Variants in SLC30A8 observed in about 807,000 individuals in gnomAD.
The protein encoded by SLC30A8 is proton-coupled zinc antiporter SLC30A8.
In SLC30A8, 27 loss-of-function variants were observed where a neutral mutation model predicts 36.9. The observed-to-expected ratio is 0.73, with a 90% CI of 0.54 to 1.01. The LOEUF is 1.01. Ranked by LOEUF, SLC30A8 falls within the 50% of genes least tolerant of loss-of-function variation. The pLI, the probability that SLC30A8 is intolerant of heterozygous loss-of-function variation, is 0.00. For missense variants in SLC30A8, 439 were observed against 452.0 expected (o/e 0.97, Z 0.26); for synonymous variants, 164 against 172.4 (o/e 0.95, Z 0.38).
chr8:117,047,131 G>A (rs1186040605), intron 2 of SLC30A8, among the ~76,000 whole-genome samples: 1 of 152,210 alleles, frequency 6.6e-6, no homozygotes, highest in Non-Finnish European at 1.5e-5. Flanking sequence ...AATAGCATTA[G>A]CAGGGACTAC....
chr8:116,994,699 C>T (rs368230798), intron 1 of SLC30A8, among the ~76,000 whole-genome samples: 5 of 152,160 alleles, frequency 3.3e-5, no homozygotes, highest in African/African-American at 1.2e-4. Flanking sequence ...ACAGGTAGAT[C>T]ACTTTGTAAA....
chr8:117,168,420 AT>A (rs966229450), intron 6 of SLC30A8, among the ~76,000 whole-genome samples: 2 of 152,120 alleles, frequency 1.3e-5, no homozygotes, highest in African/African-American at 4.8e-5. Flanking sequence ...GGTTTTTCAA[AT>A]ACATTTATAA....
upstream of SLC30A8, among the ~76,000 whole-genome samples, chr8:117,131,495 T>C (rs1280387873): frequency 6.6e-6 from 1 of 152,008 alleles, no homozygotes; most frequent in East Asian, 1.9e-4. Context: ...TCATTCTGAA[T>C]GGCACTCTAC....
chr8:117,003,645 A>G (rs1816085078), intron 1 of SLC30A8, among the ~76,000 whole-genome samples: 10 of 152,206 alleles, frequency 6.6e-5, no homozygotes, highest in Admixed American at 6.5e-4. Flanking sequence ...GGCTTCCTGG[A>G]AGGGATGATA....
At chr8:117,128,026 T>C (rs1238283512) in intron 2 of SLC30A8, among the ~76,000 whole-genome samples, 1 of 152,046 alleles carries the variant, frequency 6.6e-6, no homozygotes, top group East Asian at 1.9e-4. Context: ...AGCATCAGCT[T>C]AGAGCTTAGC....
chr8:116,975,055 G>A, intron 1 of SLC30A8, among the ~76,000 whole-genome samples: 1 of 108,860 alleles, frequency 9.2e-6, no homozygotes, highest in Admixed American at 1.2e-4. Context: ...GAGGGGGGAG[G>A]GATAGCATTA....
intron 1 of SLC30A8, among the ~76,000 whole-genome samples, chr8:117,007,685 ACTCTGCTGGATACCTAT>A (rs1249135663): frequency 1.3e-5 from 2 of 152,164 alleles, no homozygotes; most frequent in African/African-American, 4.8e-5. Context: ...CCTCACAACA[ACTCTGCTGGATACCTAT>A]CGATTTCCAT....
At chr8:117,010,236 C>T (rs770442066) in intron 1 of SLC30A8, among the ~76,000 whole-genome samples, 17 of 152,134 alleles carry the variant, frequency 1.1e-4, no homozygotes, top group Non-Finnish European at 2.1e-4. Context: ...TCTGGAACCA[C>T]TTCTTATCAA....
intron 1 of SLC30A8, among the ~76,000 whole-genome samples, chr8:116,993,320 A>G (rs1338529794): frequency 1.3e-5 from 2 of 151,920 alleles, no homozygotes; most frequent in Non-Finnish European, 2.9e-5. Flanking sequence ...TCAGCACAAT[A>G]CTCTACAAGT....
At chr8:117,169,415 A>G (rs548692142) in intron 6 of SLC30A8, among the ~76,000 whole-genome samples, 1 of 152,250 alleles carries the variant, frequency 6.6e-6, no homozygotes, top group South Asian at 2.1e-4. Flanking sequence ...CCAGGCATAA[A>G]TGGGTTAAAT....
At chr8:117,106,053 TTTATTAATCTCTCATTCTCTCAC>T (rs1165897278) in intron 2 of SLC30A8, among the ~76,000 whole-genome samples, 2 of 152,208 alleles carry the variant, frequency 1.3e-5, no homozygotes, top group Non-Finnish European at 2.9e-5. Context: ...TAGTATTGGC[TTTATTAATCTCTCATTCTCTCAC>T]TTATTCATTC....
At chr8:117,006,705 GA>G (rs1816181758) in intron 1 of SLC30A8, among the ~76,000 whole-genome samples, 1 of 151,074 alleles carries the variant, frequency 6.6e-6, no homozygotes, top group Admixed American at 6.6e-5. Context: ...AAGGATCCCT[GA>G]AGCTCAGAGA....
intron 2 of SLC30A8, among the ~76,000 whole-genome samples, chr8:117,071,467 T>G (rs1232013649): frequency 6.6e-6 from 1 of 152,206 alleles, no homozygotes; most frequent in Admixed American, 6.5e-5. Context: ...ATCAGAAGTA[T>G]GGGTTGCAAA....
At chr8:117,052,342 C>T (rs1817737305) in intron 2 of SLC30A8, among the ~76,000 whole-genome samples, 1 of 152,210 alleles carries the variant, frequency 6.6e-6, no homozygotes, top group Non-Finnish European at 1.5e-5. Flanking sequence ...TACCCAGCCT[C>T]AGGTATTCCT....
intron 2 of SLC30A8, among the ~76,000 whole-genome samples, chr8:117,097,814 AAAT>A (rs1563594648): frequency 1.2e-5 from 1 of 85,142 alleles, no homozygotes; most frequent in Non-Finnish European, 2.0e-5. Flanking sequence ...AATTTTAAAT[AAAT>A]ATATATATTA....
At chr8:117,111,044 C>A (rs1433213588) in intron 2 of SLC30A8, among the ~76,000 whole-genome samples, 1 of 152,122 alleles carries the variant, frequency 6.6e-6, no homozygotes, top group Admixed American at 6.5e-5. Context: ...CCATAACTGT[C>A]ACATTCTCTT....
intron 1 of SLC30A8, among the ~76,000 whole-genome samples, chr8:116,974,367 G>C (rs1013545747): frequency 2.6e-4 from 39 of 152,276 alleles, no homozygotes; most frequent in African/African-American, 9.4e-4. Context: ...CCATCAAAAA[G>C]TGGGGGAAGG....
intron 2 of SLC30A8, among the ~76,000 whole-genome samples, chr8:117,060,731 T>G (rs62510504): frequency 0.053 from 8,055 of 152,252 alleles, 274 homozygotes; most frequent in East Asian, 0.12. Context: ...ACATATGTTT[T>G]CTAGCTGCCA....
intron 1 of SLC30A8, among the ~76,000 whole-genome samples, chr8:117,036,115 C>CT (rs1207930529): frequency 6.6e-6 from 1 of 152,152 alleles, no homozygotes; most frequent in Non-Finnish European, 1.5e-5. Flanking sequence ...GAATTCCCCC[C>CT]CCCAGAAAAT....
Sources: allele counts gnomAD v4.1 joint callset (sites outside exome capture counted in the v4.1 genomes callset), GRCh38; gene constraint gnomAD v4.1.1; transcripts MANE v1.5; gene names NCBI Gene and HGNC (gene_info 2026-07-23, HGNC 2026-07-21).